HSF2: variants seen among roughly 807,000 people sequenced by gnomAD.
HSF2 encodes heat shock transcription factor 2, also known as heat shock factor protein 2.
In HSF2, 21 loss-of-function variants were observed where a neutral mutation model predicts 65.0. That is an observed-to-expected ratio of 0.32 (90% CI 0.23 to 0.47). The LOEUF is 0.47. Among genes scored for constraint, HSF2 ranks in the 20% least tolerant of loss-of-function variants. The probability of loss-of-function intolerance (pLI) is 1.00; values close to 1 mark genes in which losing one functional copy is unlikely to be tolerated. For missense variants in HSF2, 499 were observed against 628.1 expected, an observed-to-expected ratio of 0.79 and a Z score of 2.20; for synonymous variants, 225 against 219.1, an observed-to-expected ratio of 1.03 and a Z score of -0.24.
At chr6:122,412,573 C>T in intron 2 of HSF2, 64 bp from the exon 3 acceptor site, 1 of 1,575,136 alleles carries the variant, frequency 6.3e-7, no homozygotes, top group Non-Finnish European at 8.7e-7. Context: ...AAAATTATTC[C>T]ATACAAGCAC....
chr6:122,399,948 C>A, intron 1 of HSF2, 118 bp downstream of exon 1: 1 of 791,856 alleles, frequency 1.3e-6, no homozygotes. Flanking sequence ...GCCCGCGGTG[C>A]GGGGCCTTGG....
chr6:122,403,763 G>C (rs1416371136), intron 1 of HSF2, among the ~76,000 whole-genome samples: 1 of 151,914 alleles, frequency 6.6e-6, no homozygotes, highest in Non-Finnish European at 1.5e-5. Flanking sequence ...GGCTTTGGTA[G>C]TCTGTTGTCA....
At chr6:122,415,377 C>T (rs1323429551) in intron 4 of HSF2, among the ~76,000 whole-genome samples, 2 of 151,984 alleles carry the variant, frequency 1.3e-5, no homozygotes, top group Non-Finnish European at 2.9e-5. Flanking sequence ...CCTCAATTCT[C>T]TGTACCTCAG....
chr6:122,423,477 A>C, intron 9 of HSF2, 104 bp from the exon 10 acceptor site: 2 of 531,996 alleles, frequency 3.8e-6, no homozygotes, highest in Non-Finnish European at 3.3e-6. Context: ...GTAAGGATGC[A>C]GCAGCTGCTA....
intron 5 of HSF2, among the ~76,000 whole-genome samples, chr6:122,417,994 T>C (rs1195012027): frequency 6.6e-6 from 1 of 152,180 alleles, no homozygotes; most frequent in Non-Finnish European, 1.5e-5. Flanking sequence ...ATTGAAAAAT[T>C]GATATTGATT....
At chr6:122,409,891 T>C (rs760760262) in intron 1 of HSF2, among the ~76,000 whole-genome samples, 32 of 151,970 alleles carry the variant, frequency 2.1e-4, no homozygotes, top group Non-Finnish European at 3.5e-4. Flanking sequence ...TCTTCCCAAA[T>C]GGAAAATTTC....
intron 1 of HSF2, among the ~76,000 whole-genome samples, chr6:122,405,080 G>A (rs1234622144): frequency 1.3e-5 from 2 of 151,996 alleles, no homozygotes; most frequent in East Asian, 3.9e-4. Flanking sequence ...GAACCAAAGT[G>A]CCTACCTTTA....
chr6:122,412,516 A>G lies in HSF2; in HGVS notation c.202+35A>G, dbSNP rs776097327. 9 of 1,535,000 alleles carry G rather than the reference A, an allele frequency of 5.9e-6. No homozygotes were observed. The South Asian group carries it at 7.9e-5, about 13-fold the overall frequency. Reference sequence around the variant, plus strand: ...GACAGCAGTTTATTGGAGTACCATTATCAGCTACTGATGAAGCCATTTTTT... The same window carrying G: ...GACAGCAGTTTATTGGAGTACCATTGTCAGCTACTGATGAAGCCATTTTTT... On this transcript the variant is annotated intron_variant, in intron 2 of 12. Coordinates refer to ENST00000368455, the MANE Select transcript of HSF2 (RefSeq NM_004506.4).
intron 11 of HSF2, among the ~76,000 whole-genome samples, chr6:122,430,373 T>C (rs1413709142): frequency 1.3e-5 from 2 of 152,192 alleles, no homozygotes; most frequent in East Asian, 3.8e-4. Flanking sequence ...CATTTTTTAT[T>C]GTGTCTATTT....
At chr6:122,401,688 T>C (rs1352758106) in intron 1 of HSF2, among the ~76,000 whole-genome samples, 1 of 152,172 alleles carries the variant, frequency 6.6e-6, no homozygotes, top group African/African-American at 2.4e-5. Flanking sequence ...AGTGGGACAA[T>C]CAAAATGTAA....
rs1476727320 is a variant in HSF2 at position 122,416,253 on chromosome 6, A to C, written c.488A>C (p.Glu163Ala). 2 of 1,611,272 alleles carry C rather than the reference A, an allele frequency of 1.2e-6. No individual in the cohort carries two copies. The highest frequency in any genetic ancestry group is 1.7e-6 in the Non-Finnish European group (2 of 1,177,640). ...ENESLWKEVS[E>A]LRAKHAQQQQ... ...GAGTCCCTTTGGAAGGAGGTGTCAG[A>C]ATTACGAGCAAAGCATGCACAACAG... Residue 163 changes from glutamate to alanine, a missense_variant, in exon 5 of 13, where the codon GAA becomes GCA. Glu to Ala is a moderately radical substitution (Grantham distance 107). This residue lies in a region of HSF2 where 150 missense variants were observed against 234.6 expected (regional missense o/e 0.64). Coordinates refer to ENST00000368455, the MANE Select transcript of HSF2 (RefSeq NM_004506.4).
chr6:122,431,590 T>C (rs1774470333), intron 12 of HSF2, 76 bp downstream of exon 12: 2 of 781,622 alleles, frequency 2.6e-6, no homozygotes, highest in South Asian at 1.8e-5. Context: ...CCGAGGGTAG[T>C]CTTAATTGAA....
In HSF2 at chr6:122,412,659, T is replaced by C; in HGVS notation, c.225T>C (p.His75=). Residue 75 remains histidine, a synonymous_variant, in exon 3 of 13, where the codon CAT becomes CAC. Coordinates refer to ENST00000368455, the MANE Select transcript of HSF2 (RefSeq NM_004506.4). ...LNMYGFRKVV[H]IDSGIVKQER... ...CAGATGGTTTCCGTAAAGTAGTACA[T>C]ATCGACTCTGGAATTGTAAAGCAAG... 6.2e-7 allele frequency: 1 copy of C among 1,612,472 alleles called. No homozygotes were observed. The highest frequency in any genetic ancestry group is 8.5e-7 in the Non-Finnish European group (1 of 1,178,694).
At chr6:122,399,890 C>A (rs1407026380) in intron 1 of HSF2, 60 bp downstream of exon 1, 1 of 1,286,030 alleles carries the variant, frequency 7.8e-7, no homozygotes, top group Non-Finnish European at 1.1e-6. Context: ...CACTCGCTCT[C>A]CTGCGGGGTG....
intron 3 of HSF2, among the ~76,000 whole-genome samples, chr6:122,413,221 A>G (rs886687189): frequency 2.6e-5 from 4 of 152,110 alleles, no homozygotes; most frequent in Non-Finnish European, 5.9e-5. Context: ...GGAATGTGGT[A>G]ATAAAGAGGC....
chr6:122,424,377 A>G (rs1376109364), intron 10 of HSF2, among the ~76,000 whole-genome samples: 1 of 151,940 alleles, frequency 6.6e-6, no homozygotes, highest in Non-Finnish European at 1.5e-5. Flanking sequence ...TGTTGTGAAC[A>G]GTTTTCTCTC....
chr6:122,431,785 C>T, intron 12 of HSF2, 140 bp from the exon 13 acceptor site: 1 of 684,746 alleles, frequency 1.5e-6, no homozygotes, highest in Non-Finnish European at 2.5e-6. Context: ...AATTTATTGA[C>T]ATAGTGCATC....
chr6:122,404,162 G>A (rs1773808775), intron 1 of HSF2, among the ~76,000 whole-genome samples: 1 of 152,190 alleles, frequency 6.6e-6, no homozygotes, highest in Non-Finnish European at 1.5e-5. Context: ...TGTCAGCAGA[G>A]ATGAATTAGG....
upstream of HSF2, chr6:122,399,573 C>T (rs760245360): frequency 5.1e-6 from 3 of 592,194 alleles, no homozygotes; most frequent in East Asian, 3.1e-5. Flanking sequence ...CGTGCGGCCG[C>T]CCGGCCTCTC....
Sources: allele counts gnomAD v4.1 joint callset (sites outside exome capture counted in the v4.1 genomes callset), GRCh38; gene constraint gnomAD v4.1.1; regional missense constraint gnomAD v4.1.1; transcripts MANE v1.5; gene names NCBI Gene and HGNC (gene_info 2026-07-23, HGNC 2026-07-21).